The following SYNDIG1 variants were observed in gnomAD, a reference collection of about 807,000 sequenced individuals.
The protein encoded by SYNDIG1 is synapse differentiation-inducing gene protein 1.
Under a neutral mutation model 19.4 loss-of-function variants are expected in SYNDIG1, and 9 were observed. The observed-to-expected ratio is 0.46, with a 90% confidence interval of 0.28 to 0.81. The LOEUF (loss-of-function observed/expected upper bound fraction) is 0.81. Among genes scored for constraint, SYNDIG1 ranks in the 30% least tolerant of loss-of-function variants. SYNDIG1 has a pLI of 0.12. For missense variants in SYNDIG1, 311 were observed against 343.3 expected (o/e 0.91, Z 0.74); for synonymous variants, 141 against 145.9 (o/e 0.97, Z 0.24).
At chr20:24,617,954 G>GGGGGTCCTGA (rs2058968401) in intron 3 of SYNDIG1, among the ~76,000 whole-genome samples, 2 of 146,814 alleles carry the variant, frequency 1.4e-5, no homozygotes, top group Non-Finnish European at 3.0e-5. Flanking sequence ...GCCTGGGGAG[G>GGGGGTCCTGA]GGGAGACCCC....
intron 1 of SYNDIG1, among the ~76,000 whole-genome samples, chr20:24,483,063 A>G: frequency 6.6e-6 from 1 of 152,374 alleles, no homozygotes; most frequent in South Asian, 2.1e-4. Context: ...TTTGGAAGTA[A>G]TCAGAGGTCT....
At chr20:24,589,809 A>ATT (rs1442985934) in intron 3 of SYNDIG1, among the ~76,000 whole-genome samples, 1 of 152,244 alleles carries the variant, frequency 6.6e-6, no homozygotes, top group African/African-American at 2.4e-5. Context: ...GTACCAGCAA[A>ATT]GGGAATTGGG....
At chr20:24,659,621 G>A (rs555978714) in intron 3 of SYNDIG1, among the ~76,000 whole-genome samples, 4 of 152,314 alleles carry the variant, frequency 2.6e-5, no homozygotes, top group East Asian at 1.9e-4. Flanking sequence ...AAACAGTGAC[G>A]GGTGATGAAA....
At chr20:24,517,759 G>A (rs554683887) in intron 1 of SYNDIG1, among the ~76,000 whole-genome samples, 252 of 141,730 alleles carry the variant, frequency 1.8e-3, no homozygotes, top group African/African-American at 6.1e-3. Flanking sequence ...GTGTGTGTGT[G>A]TATATATATA....
intron 3 of SYNDIG1, among the ~76,000 whole-genome samples, chr20:24,627,890 G>T (rs2059176181): frequency 6.6e-6 from 1 of 152,258 alleles, no homozygotes. Context: ...TCAGTCACTT[G>T]GCGGAGATCC....
chr20:24,585,445 A>G (rs2058401591), intron 3 of SYNDIG1, among the ~76,000 whole-genome samples: 1 of 152,190 alleles, frequency 6.6e-6, no homozygotes, highest in South Asian at 2.1e-4. Flanking sequence ...CCTGTAAAAT[A>G]GATTCCAGTT....
chr20:24,487,977 G>T (rs910733318), intron 1 of SYNDIG1, among the ~76,000 whole-genome samples: 2 of 152,190 alleles, frequency 1.3e-5, no homozygotes, highest in Admixed American at 6.5e-5. Context: ...GGCTTCATCA[G>T]TGACCCCAGG....
At chr20:24,576,433 G>A (rs772589239) in intron 2 of SYNDIG1, among the ~76,000 whole-genome samples, 11 of 152,258 alleles carry the variant, frequency 7.2e-5, no homozygotes, top group South Asian at 2.1e-4. Flanking sequence ...ATTGTTGAGC[G>A]TTTCTGCTGT....
At chr20:24,548,045 A>T (rs774987199) in intron 2 of SYNDIG1, among the ~76,000 whole-genome samples, 2 of 152,114 alleles carry the variant, frequency 1.3e-5, no homozygotes, top group Non-Finnish European at 2.9e-5. Flanking sequence ...ACGCTCATCG[A>T]TGGAGCACCT....
chr20:24,473,216 A>G (rs1017931854), intron 1 of SYNDIG1, among the ~76,000 whole-genome samples: 1 of 152,160 alleles, frequency 6.6e-6, no homozygotes, highest in Non-Finnish European at 1.5e-5. Flanking sequence ...TGACTAGCAA[A>G]ACAGCCTCTT....
chr20:24,470,727 G>A (rs796301690), intron 1 of SYNDIG1, among the ~76,000 whole-genome samples: 2 of 152,304 alleles, frequency 1.3e-5, no homozygotes, highest in African/African-American at 4.8e-5. Flanking sequence ...GCCGCTTGGC[G>A]TTTCTGAAAG....
At chr20:24,471,853 T>G (rs1044573723) in intron 1 of SYNDIG1, among the ~76,000 whole-genome samples, 2 of 152,158 alleles carry the variant, frequency 1.3e-5, no homozygotes, top group Non-Finnish European at 1.5e-5. Context: ...GTTAATTAGC[T>G]CCATTCAGTC....
At chr20:24,495,080 T>A (rs2056262632) in intron 1 of SYNDIG1, among the ~76,000 whole-genome samples, 1 of 152,240 alleles carries the variant, frequency 6.6e-6, no homozygotes, top group Non-Finnish European at 1.5e-5. Flanking sequence ...GTATTTATTA[T>A]GCTTAACACT....
At chr20:24,636,480 A>C (rs916504995) in intron 3 of SYNDIG1, among the ~76,000 whole-genome samples, 1 of 152,218 alleles carries the variant, frequency 6.6e-6, no homozygotes, top group Admixed American at 6.5e-5. Flanking sequence ...TGTCTGATTT[A>C]CATAGGGCCC....
intron 3 of SYNDIG1, among the ~76,000 whole-genome samples, chr20:24,623,278 A>T (rs2059067702): frequency 6.6e-6 from 1 of 152,212 alleles, no homozygotes; most frequent in Non-Finnish European, 1.5e-5. Flanking sequence ...AATACTGGCA[A>T]GTTAGAATTG....
At chr20:24,555,971 T>C (rs2057806404) in intron 2 of SYNDIG1, among the ~76,000 whole-genome samples, 2 of 152,158 alleles carry the variant, frequency 1.3e-5, no homozygotes, top group Admixed American at 1.3e-4. Flanking sequence ...AGGACTTGCT[T>C]TATGAATCTG....
chr20:24,598,558 C>T (rs1294437831), intron 3 of SYNDIG1, among the ~76,000 whole-genome samples: 1 of 152,238 alleles, frequency 6.6e-6, no homozygotes, highest in African/African-American at 2.4e-5. Flanking sequence ...TGGCTACACG[C>T]CAGGACTGGG....
intron 1 of SYNDIG1, among the ~76,000 whole-genome samples, chr20:24,514,505 A>G (rs530692018): frequency 6.6e-6 from 1 of 152,348 alleles, no homozygotes; most frequent in African/African-American, 2.4e-5. Context: ...CTTTAAACCA[A>G]TGAAAATCAA....
At chr20:24,570,650 A>G (rs2058126097) in intron 2 of SYNDIG1, among the ~76,000 whole-genome samples, 1 of 152,244 alleles carries the variant, frequency 6.6e-6, no homozygotes, top group African/African-American at 2.4e-5. Flanking sequence ...TGTTGAAAAT[A>G]CTAGGTACTG....
Sources: gnomAD v4.1 joint callset for allele counts (sites outside exome capture counted in the v4.1 genomes callset) on GRCh38, gnomAD v4.1.1 for gene constraint, MANE v1.5 for transcripts, NCBI Gene and HGNC (gene_info 2026-07-23, HGNC 2026-07-21) for gene names.